The following RAB11FIP4 variants were observed in gnomAD, a reference collection of about 807,000 sequenced individuals.
RAB11FIP4 encodes RAB11 family interacting protein 4, also known as rab11 family-interacting protein 4.
RAB11FIP4 carries 23 observed loss-of-function variants against 74.3 expected under a neutral mutation model. That is an observed-to-expected ratio of 0.31 (90% CI 0.22 to 0.44). The LOEUF (loss-of-function observed/expected upper bound fraction) is 0.44, where lower values mean the gene tolerates loss of function less well. Ranked by LOEUF, RAB11FIP4 falls within the 20% of genes least tolerant of loss-of-function variation. RAB11FIP4 has a pLI of 1.00. For synonymous variants in RAB11FIP4, 360 were observed against 359.9 expected, an observed-to-expected ratio of 1.00 and a Z score of 0.00; for missense variants, 630 against 863.9, an observed-to-expected ratio of 0.73 and a Z score of 3.39.
chr17:31,505,643 A>AT (rs1380651846), intron 3 of RAB11FIP4, among the ~76,000 whole-genome samples: 1,774 of 98,994 alleles, frequency 0.018, 96 homozygotes, highest in African/African-American at 0.08. Context: ...AATAATAATT[A>AT]TATATAATAT....
intron 3 of RAB11FIP4, among the ~76,000 whole-genome samples, chr17:31,441,180 A>G (rs138441086): frequency 0.011 from 1,688 of 152,094 alleles, 29 homozygotes; most frequent in African/African-American, 0.038. Context: ...GCCCACCACC[A>G]TGCCCGGCTA....
intron 3 of RAB11FIP4, among the ~76,000 whole-genome samples, chr17:31,501,009 G>A (rs1269958872): frequency 6.9e-6 from 1 of 145,124 alleles, no homozygotes; most frequent in Non-Finnish European, 1.5e-5. Flanking sequence ...GTGACAGAGT[G>A]AGACTCCATC....
At chr17:31,429,699 C>T (rs995457369) in intron 1 of RAB11FIP4, among the ~76,000 whole-genome samples, 2 of 152,094 alleles carry the variant, frequency 1.3e-5, no homozygotes, top group Non-Finnish European at 2.9e-5. Context: ...TGTTGGCGGG[C>T]GCCTGTAATC....
chr17:31,477,815 T>C (rs2071808861), intron 3 of RAB11FIP4, among the ~76,000 whole-genome samples: 1 of 152,078 alleles, frequency 6.6e-6, no homozygotes, highest in African/African-American at 2.4e-5. Context: ...GACTCCTGGC[T>C]CTCAACTTAC....
intron 1 of RAB11FIP4, among the ~76,000 whole-genome samples, chr17:31,399,344 G>A (rs1265948442): frequency 2.6e-5 from 4 of 152,136 alleles, no homozygotes; most frequent in Admixed American, 6.5e-5. Context: ...GGGTAAATGC[G>A]CTGAAATTTT....
intron 3 of RAB11FIP4, among the ~76,000 whole-genome samples, chr17:31,438,972 C>T (rs2071385449): frequency 6.6e-6 from 1 of 152,106 alleles, no homozygotes; most frequent in African/African-American, 2.4e-5. Context: ...TACTTAGGTA[C>T]CGCCTCCTCC....
intron 3 of RAB11FIP4, among the ~76,000 whole-genome samples, chr17:31,460,131 TG>T (rs2071621056): frequency 6.6e-6 from 1 of 152,196 alleles, no homozygotes; most frequent in African/African-American, 2.4e-5. Context: ...GGTCAGGCTT[TG>T]GGGTCCATTG....
At chr17:31,497,023 C>G (rs1052917468) in intron 3 of RAB11FIP4, among the ~76,000 whole-genome samples, 1 of 152,188 alleles carries the variant, frequency 6.6e-6, no homozygotes, top group African/African-American at 2.4e-5. Flanking sequence ...ACCTGGCACA[C>G]AATAGGTGCT....
intron 3 of RAB11FIP4, among the ~76,000 whole-genome samples, chr17:31,491,996 G>T (rs1597951883): frequency 6.6e-6 from 1 of 152,320 alleles, no homozygotes; most frequent in South Asian, 2.1e-4. Flanking sequence ...GGGCACGCCG[G>T]CGATGTGCAT....
chr17:31,398,580 T>A (rs150067642), intron 1 of RAB11FIP4, among the ~76,000 whole-genome samples: 1 of 152,204 alleles, frequency 6.6e-6, no homozygotes, highest in African/African-American at 2.4e-5. Context: ...CCGAGGGATA[T>A]CAGTGGGTAG....
At chr17:31,403,736 T>C (rs1266365507) in intron 1 of RAB11FIP4, among the ~76,000 whole-genome samples, 2 of 152,308 alleles carry the variant, frequency 1.3e-5, no homozygotes, top group East Asian at 3.9e-4. Context: ...AGAACCCAGG[T>C]CTGTCAGGTT....
chr17:31,415,872 G>A (rs1324917407), intron 1 of RAB11FIP4, among the ~76,000 whole-genome samples: 2 of 152,118 alleles, frequency 1.3e-5, no homozygotes, highest in African/African-American at 4.8e-5. Flanking sequence ...CCTTCCCGGG[G>A]GAAGGCTCAC....
chr17:31,416,350 G>T (rs1052033719), intron 1 of RAB11FIP4, among the ~76,000 whole-genome samples: 2 of 152,214 alleles, frequency 1.3e-5, no homozygotes, highest in African/African-American at 4.8e-5. Context: ...GGGAGTGGGA[G>T]CAAGACAGTG....
At position 31,506,608 on chromosome 17, in the gene RAB11FIP4, T is replaced by C. The variant is rs974522151; in HGVS notation, c.337-11043T>C. Reference sequence around the variant, plus strand: ...TTCTACTTCTATGGGATAACTTCTTTAGATTCTACATAGGAGTGAGATCAT... The same window carrying C: ...TTCTACTTCTATGGGATAACTTCTTCAGATTCTACATAGGAGTGAGATCAT... On this transcript the variant is annotated intron_variant, in intron 3 of 14. Transcript: ENST00000621161. 2.6e-5 allele frequency among the ~76,000 whole-genome samples: 4 copies of C among 152,308 alleles called. No homozygotes were observed. In the South Asian group the frequency reaches 8.3e-4, roughly 32 times the overall value.
rs188693315 is a variant in RAB11FIP4 at position 31,441,672 on chromosome 17, C to T, written c.336+7550C>T. 3.6e-3 allele frequency among the ~76,000 whole-genome samples: 552 copies of T among 151,484 alleles called. 4 individuals carry two copies. The highest frequency in any genetic ancestry group is 0.012 in the African/African-American group (512 of 41,302). ...CCTCTCGAGTAGCTGAGATTACAGG[C>T]GCCCACGACCATGCCTGGCTAATTT... On this transcript the variant is annotated intron_variant, in intron 3 of 14. Transcript: ENST00000621161.
chr17:31,423,928 C>T (rs1006534055), intron 1 of RAB11FIP4, among the ~76,000 whole-genome samples: 5 of 152,052 alleles, frequency 3.3e-5, no homozygotes, highest in South Asian at 4.2e-4. Context: ...GTGACTGCTA[C>T]GGCTGCTGCC....
chr17:31,486,604 A>G (rs2071905218), intron 3 of RAB11FIP4, among the ~76,000 whole-genome samples: 1 of 152,218 alleles, frequency 6.6e-6, no homozygotes, highest in African/African-American at 2.4e-5. Context: ...ATGATACACC[A>G]CAGTGCTCCT....
chr17:31,499,051 C>G (rs1961751432), intron 3 of RAB11FIP4, among the ~76,000 whole-genome samples: 1 of 152,204 alleles, frequency 6.6e-6, no homozygotes, highest in Admixed American at 6.5e-5. Flanking sequence ...GCACCCCATT[C>G]AACTGCAGCA....
chr17:31,397,875 T>C (rs2070945263), intron 1 of RAB11FIP4, among the ~76,000 whole-genome samples: 1 of 133,990 alleles, frequency 7.5e-6, no homozygotes, highest in East Asian at 2.1e-4. Context: ...CGCCCCTGCC[T>C]TTTTTTTTTT....
Sources: gnomAD v4.1 joint callset for allele counts (sites outside exome capture counted in the v4.1 genomes callset) on GRCh38, gnomAD v4.1.1 for gene constraint, MANE v1.5 for transcripts, NCBI Gene and HGNC (gene_info 2026-07-23, HGNC 2026-07-21) for gene names.